VPS13C: variants seen among roughly 807,000 people sequenced by gnomAD.
VPS13C encodes intermembrane lipid transfer protein VPS13C.
A neutral mutation model predicts 456.8 loss-of-function variants in VPS13C; 358 were observed. The observed-to-expected ratio is 0.78, with a 90% confidence interval of 0.72 to 0.86. The LOEUF (loss-of-function observed/expected upper bound fraction) is 0.86, where lower values mean the gene tolerates loss of function less well. Ranked by LOEUF, VPS13C falls within the 40% of genes least tolerant of loss-of-function variation. VPS13C has a pLI of 0.00. For synonymous variants in VPS13C, 1,578 were observed against 1,486.7 expected (o/e 1.06, Z -1.41); for missense variants, 4,818 against 4,385.4 (o/e 1.10, Z -2.79).
Position 61,867,193 on chromosome 15 carries a change from T to A in VPS13C, c.10863+1466A>T, listed in dbSNP as rs1894655871. On this transcript the variant is annotated intron_variant, in intron 81 of 84. Transcript: ENST00000644861. The surrounding 1 kb of genome is among the most constrained non-coding windows in gnomAD (Gnocchi z 5.0). ...CATGTTCAACTTCTATCTACATTAA[T>A]TAAAACTAATAATTATGAAATAAGC... The A allele has an allele frequency of 2.0e-6, 2 of 982,962 alleles. No homozygotes were observed. Among genetic ancestry groups the A allele is most frequent in the South Asian group, 9.4e-5 (2 of 21,270 alleles). The allele number at this position is 982,962 out of a possible 1,614,324, so 60.9% of individuals were successfully genotyped here.
chr15:61,903,161 A>G (rs2043053100), intron 66 of VPS13C, among the ~76,000 whole-genome samples: 1 of 151,964 alleles, frequency 6.6e-6, no homozygotes, highest in South Asian at 2.1e-4. Flanking sequence ...CTCCGTCTCT[A>G]CAGAAAAAAA....
chr15:61,894,381 A>C (rs1284209724), intron 66 of VPS13C, among the ~76,000 whole-genome samples: 1 of 150,818 alleles, frequency 6.6e-6, no homozygotes, highest in Non-Finnish European at 1.5e-5. Flanking sequence ...CTTACTTATC[A>C]ATAATAATAA....
chr15:61,915,558 G>A (rs1390190899), intron 61 of VPS13C, 75 bp downstream of exon 61: 19 of 1,428,416 alleles, frequency 1.3e-5, no homozygotes, highest in Non-Finnish European at 1.7e-5. Flanking sequence ...CATGGTTTTA[G>A]GGAAGACAAA....
rs192832439 is a variant in VPS13C at position 62,002,093 on chromosome 15, C to T, written c.1291-1467G>A. Among the ~76,000 whole-genome samples, 179 of 152,338 alleles carry T rather than the reference C, an allele frequency of 1.2e-3. 1 individual carries two copies. Among genetic ancestry groups the T allele is most frequent in the African/African-American group, 4.0e-3 (165 of 41,578 alleles). On this transcript the variant is annotated intron_variant, in intron 15 of 84. Transcript: ENST00000644861. ...GTTCTAGTTCCCTGAGGAATCCCCA[C>T]GCTGACTTCCACAATGGTTGAACTA...
rs762520341 is a variant in VPS13C, at chr15:61,915,709, T to G, written c.8369A>C (p.His2790Pro). ...RVLQYRSEDI[H>P]VKHPADFRDI... The stretch of plus-strand genomic sequence containing the variant: ...CCTGAAATCAGCTGGATGTTTCACA[T>G]GAATATCTTCTGAACGATACTGGAG... Residue 2790 changes from histidine to proline, a missense_variant, in exon 61 of 85, where the codon CAT becomes CCT. This residue lies in a region of VPS13C where 4,552 missense variants were observed against 4,130.6 expected (regional missense o/e 1.10). Coordinates refer to ENST00000644861, the MANE Select transcript of VPS13C (RefSeq NM_020821.3). 1.2e-6 allele frequency: 2 copies of G among 1,612,814 alleles called. No homozygotes were observed. Among genetic ancestry groups the G allele is most frequent in the Non-Finnish European group, 1.7e-6 (2 of 1,179,726 alleles).
intron 32 of VPS13C, among the ~76,000 whole-genome samples, chr15:61,963,576 G>C (rs1425788774): frequency 6.6e-6 from 1 of 151,928 alleles, no homozygotes; most frequent in Admixed American, 6.6e-5. Flanking sequence ...TTCCTACATT[G>C]ACATCAGTAT....
chr15:61,981,319 CA>C, intron 22 of VPS13C, 22 bp downstream of exon 22: 9 of 1,568,830 alleles, frequency 5.7e-6, no homozygotes, highest in African/African-American at 1.4e-5. Context: ...GATGGGCAGA[CA>C]AAAAAACGCA....
rs1337332967 is a variant in VPS13C at position 62,037,202 on chromosome 15, A to AAT, written c.188-2152_188-2151dup. ...ATATAAATATAAATATAATAAATAT[A>AAT]ATATATAAATATATTATATAATATA... On this transcript the variant is annotated intron_variant, in intron 3 of 84. Transcript: ENST00000644861. 5.4e-3 allele frequency among the ~76,000 whole-genome samples: 583 copies of AAT among 108,894 alleles called. 10 individuals carry two copies. Among genetic ancestry groups the AAT allele is most frequent in the African/African-American group, 0.02 (567 of 27,678 alleles). The allele number at this position is 108,894 out of a possible 152,430, so 71.4% of individuals were successfully genotyped here. A position where few individuals can be genotyped will look rare whatever the true frequency, so the allele number is the denominator to read the frequency against.
rs1894703618 is a variant in VPS13C at position 61,867,912 on chromosome 15, T to C, written c.10863+747A>G. ...TTTTAAGGATGAAATCAAGTAGTAGTTTAGGAAACATTTATTCCTGTATTT... is the reference window on the plus strand; with the variant it reads ...TTTTAAGGATGAAATCAAGTAGTAGCTTAGGAAACATTTATTCCTGTATTT... On this transcript the variant is annotated intron_variant, in intron 81 of 84. Coordinates refer to ENST00000644861, the MANE Select transcript of VPS13C (RefSeq NM_020821.3). This position sits in a 1 kb window ranked among gnomAD's most constrained non-coding sequence, Gnocchi z 5.0. The C allele has an allele frequency of 6.2e-7, 1 of 1,608,180 alleles. No homozygotes were observed. Among genetic ancestry groups the C allele is most frequent in the Non-Finnish European group, 8.5e-7 (1 of 1,176,518 alleles).
In VPS13C at chr15:62,060,368, G is replaced by A; in HGVS notation, c.7C>T (p.Leu3=). 1 of 1,574,752 alleles carries A rather than the reference G, an allele frequency of 6.4e-7. No individual in the cohort carries two copies. Among genetic ancestry groups the A allele is most frequent in the Non-Finnish European group, 8.6e-7 (1 of 1,157,076 alleles). ...AGCAAGTCCGCGACCACCGACTCCA[G>A]CACCATGGTGGCGCTGAGGCACAAG... is the stretch of plus-strand genomic sequence containing the variant. The part of the protein sequence containing the change: MV[L]ESVVADLLNR... The change falls in exon 1 of 85, where the codon CTG becomes TTG. Residue 3 remains leucine, a synonymous_variant. Coordinates refer to ENST00000644861, the MANE Select transcript of VPS13C (RefSeq NM_020821.3).
Position 61,875,814 on chromosome 15 carries a change from C to A in VPS13C, c.10256G>T (p.Gly3419Val), listed in dbSNP as rs1435153587. Residue 3419 changes from glycine to valine, a missense_variant, in exon 76 of 85, where the codon GGG becomes GTG. Gly to Val is a moderately radical substitution (Grantham distance 109). Around this residue, in one of 3 missense-constraint regions of VPS13C, gnomAD observed 4,552 missense variants for 4,130.6 expected, o/e 1.10. Transcript: ENST00000644861. ...AAATGGGTTTCCAAGTACATCTAAC[C>A]CCAATACAAGGACATACATCTGTTT... ...FLKQMYVLVL[G>V]LDVLGNPFGL... The A allele has an allele frequency of 1.2e-6, 2 of 1,602,942 alleles. No individual in the cohort carries two copies. Among genetic ancestry groups the A allele is most frequent in the Non-Finnish European group, 1.7e-6 (2 of 1,176,424 alleles).
At chr15:62,036,983 T>C (rs1289637022) in intron 3 of VPS13C, among the ~76,000 whole-genome samples, 1 of 149,692 alleles carries the variant, frequency 6.7e-6, no homozygotes, top group Non-Finnish European at 1.5e-5. Flanking sequence ...CTAATATAAA[T>C]GCTCTGTAAA....
chr15:62,010,614 GA>G lies in VPS13C; in HGVS notation c.884-16del. On this transcript the variant is annotated splice_polypyrimidine_tract_variant and intron_variant, in intron 12 of 84. Transcript: ENST00000644861. Reference sequence around the variant, plus strand: ...TGGCTGGAAAACTTACATCACATGGGAAGACATAAGATATGTTCATATGCTT... The same window carrying G: ...TGGCTGGAAAACTTACATCACATGGGAGACATAAGATATGTTCATATGCTT... 6.2e-7 allele frequency: 1 copy of G among 1,605,432 alleles called. No individual in the cohort carries two copies. The highest frequency in any genetic ancestry group is 8.5e-7 in the Non-Finnish European group (1 of 1,176,476).
intron 3 of VPS13C, among the ~76,000 whole-genome samples, chr15:62,039,198 A>G (rs959460191): frequency 1.3e-5 from 2 of 152,208 alleles, no homozygotes; most frequent in African/African-American, 4.8e-5. Flanking sequence ...GTCCATCAAC[A>G]GTTGACTGGA....
At chr15:62,047,217 A>C (rs1272504682) in intron 1 of VPS13C, among the ~76,000 whole-genome samples, 2 of 151,948 alleles carry the variant, frequency 1.3e-5, no homozygotes, top group East Asian at 3.9e-4. Flanking sequence ...CAAGTTCAGG[A>C]GTTTGCAACC....
rs769544137 is a variant in VPS13C at position 61,929,497 on chromosome 15, T to C, written c.6286+4A>G. ...GTCATCTATGACAGATAAATTCTGCTAACCTTTCTCTATCTTGACCTTCCC... is the reference window on the plus strand; with the variant it reads ...GTCATCTATGACAGATAAATTCTGCCAACCTTTCTCTATCTTGACCTTCCC... On this transcript the variant is annotated splice_donor_region_variant and intron_variant, in intron 51 of 84. Transcript: ENST00000644861. The C allele has an allele frequency of 6.2e-7, 1 of 1,612,588 alleles. No individual in the cohort carries two copies. Among genetic ancestry groups the C allele is most frequent in the Non-Finnish European group, 8.5e-7 (1 of 1,178,778 alleles).
chr15:61,891,441 T>G (rs2042647375), intron 66 of VPS13C, among the ~76,000 whole-genome samples: 1 of 152,198 alleles, frequency 6.6e-6, no homozygotes, highest in Admixed American at 6.5e-5. Context: ...TGCCCAATTT[T>G]TTTACTCTAA....
chr15:62,030,331 T>C (rs528305172), intron 5 of VPS13C, among the ~76,000 whole-genome samples: 3 of 152,122 alleles, frequency 2.0e-5, no homozygotes, highest in African/African-American at 7.2e-5. Context: ...TGTTCAAATG[T>C]GATTCCCAGT....
intron 81 of VPS13C, chr15:61,864,939 T>C (rs1894439780): frequency 1.6e-5 from 16 of 979,712 alleles, no homozygotes; most frequent in South Asian, 4.7e-5. Context: ...CTACCCACTT[T>C]CTATCTTGTA....
Sources: gnomAD v4.1 joint callset for allele counts (sites outside exome capture counted in the v4.1 genomes callset) on GRCh38, gnomAD v4.1.1 for gene constraint, gnomAD v4.1.1 regional missense constraint, Gnocchi (gnomAD v3.1) non-coding constraint, MANE v1.5 for transcripts, NCBI Gene and HGNC (gene_info 2026-07-23, HGNC 2026-07-21) for gene names.